The following RPGRIP1L variants were observed in gnomAD, a reference collection of about 807,000 sequenced individuals.
RPGRIP1L encodes the protein protein fantom.
RPGRIP1L carries 131 observed loss-of-function variants against 160.4 expected under a neutral mutation model. That is an observed-to-expected ratio of 0.82 (90% CI 0.71 to 0.94). RPGRIP1L has a LOEUF of 0.94. Ranked by LOEUF, RPGRIP1L falls within the 40% of genes least tolerant of loss-of-function variation. The pLI is 0.00. For synonymous variants in RPGRIP1L, 510 were observed against 515.8 expected, an observed-to-expected ratio of 0.99 and a Z score of 0.15; for missense variants, 1,522 against 1,535.8, an observed-to-expected ratio of 0.99 and a Z score of 0.15.
At chr16:53,680,395 C>T (rs1394065923) in intron 6 of RPGRIP1L, among the ~76,000 whole-genome samples, 2 of 152,044 alleles carry the variant, frequency 1.3e-5, no homozygotes, top group Non-Finnish European at 2.9e-5. Flanking sequence ...GTTGGGCAAT[C>T]AGGCAAATCC....
At chr16:53,685,501 A>G (rs1332836621) in intron 6 of RPGRIP1L, among the ~76,000 whole-genome samples, 2 of 152,260 alleles carry the variant, frequency 1.3e-5, no homozygotes, top group African/African-American at 2.4e-5. Flanking sequence ...TGGTACATAC[A>G]TACCATGGAA....
At chr16:53,611,850 A>G (rs1267352627) in intron 24 of RPGRIP1L, among the ~76,000 whole-genome samples, 2 of 152,182 alleles carry the variant, frequency 1.3e-5, no homozygotes, top group Non-Finnish European at 2.9e-5. Context: ...GCTTCTGAAG[A>G]CATTTCTTTT....
chr16:53,647,644 G>A (rs894180706), intron 16 of RPGRIP1L, among the ~76,000 whole-genome samples: 5 of 152,132 alleles, frequency 3.3e-5, no homozygotes, highest in African/African-American at 7.2e-5. Flanking sequence ...ATCTGCTAAC[G>A]CAAACCTGGC....
intron 6 of RPGRIP1L, among the ~76,000 whole-genome samples, chr16:53,678,861 T>C (rs1168980987): frequency 1.3e-5 from 2 of 152,204 alleles, no homozygotes; most frequent in African/African-American, 4.8e-5. Context: ...AGACATTCTG[T>C]AGCTGTATTG....
rs1422584754 is a variant in RPGRIP1L at position 53,698,418 on chromosome 16, G to A, written c.86-2123C>T. On this transcript the variant is annotated intron_variant, in intron 2 of 26. Transcript: ENST00000647211. ...CCGTCCTGTCTGGGAGATGAGGGGC[G>A]CCTCTGCCCGGCCACTCCTACTGGG... Among the ~76,000 whole-genome samples, 612 of 144,262 alleles carry A rather than the reference G, an allele frequency of 4.2e-3. 5 individuals carry two copies. Among genetic ancestry groups the A allele is most frequent in the Non-Finnish European group, 5.5e-3 (365 of 66,340 alleles). The allele number at this position is 144,262 out of a possible 152,430, so 94.6% of individuals were successfully genotyped here. A position where few individuals can be genotyped will look rare whatever the true frequency, so the allele number is the denominator to read the frequency against.
In RPGRIP1L at chr16:53,649,119, CA is replaced by C. The variant is rs1567836020; in HGVS notation, c.2153-5del. 4 of 1,613,134 alleles carry C rather than the reference CA, an allele frequency of 2.5e-6. No individual in the cohort carries two copies. Among genetic ancestry groups the C allele is most frequent in the African/African-American group, 2.7e-5 (2 of 74,862 alleles). Reference sequence around the variant, plus strand: ...TTTGGGATGTCTCCTTTTGTTCCTACAAATCAGTACATAACCCAAGGTTAAA... The same window carrying C: ...TTTGGGATGTCTCCTTTTGTTCCTACAATCAGTACATAACCCAAGGTTAAA... On this transcript the variant is annotated splice_region_variant and splice_polypyrimidine_tract_variant and intron_variant, in intron 15 of 26. Coordinates refer to ENST00000647211, the MANE Select transcript of RPGRIP1L (RefSeq NM_015272.5).
chr16:53,652,462 A>G (rs900942713), intron 15 of RPGRIP1L, 73 bp downstream of exon 15: 9 of 1,137,932 alleles, frequency 7.9e-6, no homozygotes, highest in Admixed American at 3.5e-5. Flanking sequence ...AAAAGATAGT[A>G]ATGTAGAGTA....
At chr16:53,602,214 T>A (rs771210889) in intron 26 of RPGRIP1L, 26 bp from the exon 27 acceptor site, 1 of 1,465,704 alleles carries the variant, frequency 6.8e-7, no homozygotes, top group East Asian at 2.3e-5. Flanking sequence ...CAGGAAAGTG[T>A]TAATATCATT....
At chr16:53,639,345 C>G (rs543869261) in intron 19 of RPGRIP1L, among the ~76,000 whole-genome samples, 27 of 151,788 alleles carry the variant, frequency 1.8e-4, no homozygotes, top group Non-Finnish European at 3.2e-4. Context: ...TTTGGTTACA[C>G]AATAATAACT....
chr16:53,676,150 TTGAAATAC>T (rs139345222), intron 6 of RPGRIP1L, among the ~76,000 whole-genome samples: 263 of 152,318 alleles, frequency 1.7e-3, no homozygotes, highest in African/African-American at 6.1e-3. Flanking sequence ...AGCTGAGGAC[TTGAAATAC>T]TTAATTTTCC....
rs375764707 is a variant in RPGRIP1L, at chr16:53,657,396, A to G, written c.1581+57T>C. 4.7e-5 allele frequency: 56 copies of G among 1,200,634 alleles called. No homozygotes were observed. The African/African-American group carries it at 6.9e-4, about 15-fold the overall frequency. The allele number at this position is 1,200,634 out of a possible 1,614,324, so 74.4% of individuals were successfully genotyped here. On this transcript the variant is annotated intron_variant, in intron 13 of 26. Transcript: ENST00000647211. Reference sequence around the variant, plus strand: ...GGTGATAACATACAGTATTTAGAAAATAAATCATCAGAATATTATAGAAAA... The same window carrying G: ...GGTGATAACATACAGTATTTAGAAAGTAAATCATCAGAATATTATAGAAAA...
rs923273197 is a variant in RPGRIP1L at position 53,655,090 on chromosome 16, G to A, written c.1699+1382C>T. 5.9e-5 allele frequency among the ~76,000 whole-genome samples: 9 copies of A among 152,234 alleles called. No individual in the cohort carries two copies. The East Asian group carries it at 1.5e-3, about 26-fold the overall frequency. On this transcript the variant is annotated intron_variant, in intron 14 of 26. Transcript: ENST00000647211. Reference sequence around the variant, plus strand: ...TATCCTCTCACAAGTGTATAATGGAGTTTCTTGGAGGTTACATGATGTGTG... The same window carrying A: ...TATCCTCTCACAAGTGTATAATGGAATTTCTTGGAGGTTACATGATGTGTG...
intron 14 of RPGRIP1L, among the ~76,000 whole-genome samples, chr16:53,654,382 G>A (rs1205708277): frequency 4.6e-5 from 7 of 152,162 alleles, no homozygotes; most frequent in South Asian, 2.1e-4. Context: ...ACTGCAATAC[G>A]TCATATTTAG....
At chr16:53,678,640 T>C (rs529084115) in intron 6 of RPGRIP1L, among the ~76,000 whole-genome samples, 4 of 152,116 alleles carry the variant, frequency 2.6e-5, no homozygotes, top group Admixed American at 1.3e-4. Context: ...GATAAAAATG[T>C]CATAGTATTT....
rs3035223 is a variant in RPGRIP1L at position 53,603,674 on chromosome 16, A to ATGTGTGTGTGTGTG, written c.3836-1500_3836-1487dup. ...TCCTTATGGTTTTCCTTGAACTTTAATGTGTGTGTGTGTGTGTGTGTGTGT... is the reference window on the plus strand; with the variant it reads ...TCCTTATGGTTTTCCTTGAACTTTAATGTGTGTGTGTGTGTGTGTGTGTGTGTGTGTGTGTGTGT... On this transcript the variant is annotated intron_variant, in intron 26 of 26. Transcript: ENST00000647211. Among the ~76,000 whole-genome samples, 359 of 148,056 alleles carry ATGTGTGTGTGTGTG rather than the reference A, an allele frequency of 2.4e-3. 1 individual carries two copies. In the Middle Eastern group the frequency reaches 0.025, roughly 10 times the overall value.
Position 53,658,896 on chromosome 16 carries a change from C to T in RPGRIP1L, c.1244-18G>A, listed in dbSNP as rs923409583. On this transcript the variant is annotated intron_variant, in intron 10 of 26. Transcript: ENST00000647211. ...ATTTTGATCTTAAAAATAAAGTCCA[C>T]ACAATTGGAAAGGTAAGTAAAAATC... The T allele has an allele frequency of 7.5e-6, 11 of 1,468,548 alleles. No homozygotes were observed. The highest frequency in any genetic ancestry group is 1.7e-4 in the Middle Eastern group (1 of 5,780). 91.0% of individuals were successfully genotyped at this position (1,468,548 alleles called of 1,614,324 possible). A position where few individuals can be genotyped will look rare whatever the true frequency, so the allele number is the denominator to read the frequency against.
chr16:53,681,799 A>G (rs1969629625), intron 6 of RPGRIP1L, among the ~76,000 whole-genome samples: 1 of 152,252 alleles, frequency 6.6e-6, no homozygotes, highest in South Asian at 2.1e-4. Flanking sequence ...GCTCTTTGCC[A>G]TAAATATCAA....
rs750991343 is a variant in RPGRIP1L, at chr16:53,692,085, T to C, written c.510A>G (p.Leu170=). ...TTTTACCTTTCCTGGGGCATTCCTG[T>C]AAACCAGCATTTTCATTTGCTTTTC... ...GRRKANENAG[L]QECPRKGIKF... Residue 170 remains leucine, a synonymous_variant, in exon 4 of 27, where the codon TTA becomes TTG. Transcript: ENST00000647211. 1.2e-5 allele frequency: 19 copies of C among 1,614,082 alleles called. No individual in the cohort carries two copies. The highest frequency in any genetic ancestry group is 1.6e-5 in the Non-Finnish European group (19 of 1,180,012).
intron 17 of RPGRIP1L, 129 bp downstream of exon 17, chr16:53,645,496 A>C: frequency 1.3e-6 from 1 of 747,930 alleles, no homozygotes; most frequent in Non-Finnish European, 2.1e-6. Context: ...AAATATAGTA[A>C]TATAGGCCTA....
Sources: allele counts gnomAD v4.1 joint callset (sites outside exome capture counted in the v4.1 genomes callset), GRCh38; gene constraint gnomAD v4.1.1; transcripts MANE v1.5; gene names NCBI Gene and HGNC (gene_info 2026-07-23, HGNC 2026-07-21).